The following ULK4 variants were observed in gnomAD, a reference collection of about 807,000 sequenced individuals.
ULK4 encodes inactive serine/threonine-protein kinase ULK4.
In ULK4, 133 loss-of-function variants were observed where a neutral mutation model predicts 160.6. The ratio of observed to expected loss-of-function variants is 0.83; its 90% CI spans 0.72 to 0.96. ULK4 has a LOEUF of 0.96. Ranked by LOEUF, ULK4 falls within the 40% of genes least tolerant of loss-of-function variation. ULK4 has a pLI of 0.00. For synonymous variants in ULK4, 534 were observed against 539.8 expected (o/e 0.99, Z 0.15); for missense variants, 1,580 against 1,499.5 (o/e 1.05, Z -0.89).
At chr3:41,738,604 A>C (rs2038134054) in intron 22 of ULK4, among the ~76,000 whole-genome samples, 2 of 151,916 alleles carry the variant, frequency 1.3e-5, no homozygotes, top group Non-Finnish European at 2.9e-5. Context: ...ATGAGAGAGC[A>C]ATAAACTCCA....
intron 17 of ULK4, among the ~76,000 whole-genome samples, chr3:41,860,179 T>C (rs2042468552): frequency 1.3e-5 from 2 of 152,210 alleles, no homozygotes. Flanking sequence ...ATAATTCATG[T>C]CTGAGAAAAA....
chr3:41,384,410 C>G (rs530639056), intron 35 of ULK4, among the ~76,000 whole-genome samples: 1 of 152,158 alleles, frequency 6.6e-6, no homozygotes, highest in East Asian at 1.9e-4. Context: ...CAAAAAAAGA[C>G]TATAATAGTC....
intron 35 of ULK4, among the ~76,000 whole-genome samples, chr3:41,362,469 T>C (rs2125773627): frequency 6.6e-6 from 1 of 152,334 alleles, no homozygotes; most frequent in South Asian, 2.1e-4. Flanking sequence ...TATACTAGGG[T>C]ATCATATACA....
intron 19 of ULK4, among the ~76,000 whole-genome samples, chr3:41,802,607 C>T (rs2040494869): frequency 6.6e-6 from 1 of 152,072 alleles, no homozygotes; most frequent in African/African-American, 2.4e-5. Flanking sequence ...CCAAGCATAC[C>T]TGTTTAAACC....
intron 17 of ULK4, chr3:41,869,079 T>G (rs1716670): frequency 6.6e-6 from 1 of 152,052 alleles, no homozygotes; most frequent in Non-Finnish European, 1.5e-5. Context: ...GTAAACACCA[T>G]GGCACTATGA....
At chr3:41,813,993 C>T (rs2040892180) in intron 19 of ULK4, among the ~76,000 whole-genome samples, 1 of 152,162 alleles carries the variant, frequency 6.6e-6, no homozygotes, top group Non-Finnish European at 1.5e-5. Flanking sequence ...GGAAGTGATT[C>T]TCAGCCAGCG....
intron 2 of ULK4, among the ~76,000 whole-genome samples, chr3:41,946,846 C>G (rs1700127424): frequency 6.6e-6 from 1 of 152,116 alleles, no homozygotes; most frequent in African/African-American, 2.4e-5. Flanking sequence ...TAAAAAGTAT[C>G]ACAAAGCTTC....
At chr3:41,753,118 A>T (rs1330589537) in intron 22 of ULK4, among the ~76,000 whole-genome samples, 2 of 152,192 alleles carry the variant, frequency 1.3e-5, no homozygotes, top group South Asian at 2.1e-4. Flanking sequence ...CAGAAGCTGA[A>T]ATGAGAGGAT....
intron 19 of ULK4, among the ~76,000 whole-genome samples, chr3:41,804,385 C>T (rs1381693393): frequency 6.6e-6 from 1 of 151,998 alleles, no homozygotes; most frequent in East Asian, 1.9e-4. Context: ...GATATTAGCC[C>T]TTTGTCGGAT....
intron 32 of ULK4, among the ~76,000 whole-genome samples, chr3:41,555,904 T>C (rs1248475240): frequency 6.6e-6 from 1 of 152,212 alleles, no homozygotes; most frequent in African/African-American, 2.4e-5. Flanking sequence ...TAGGCTATTA[T>C]CCTTAGCAAA....
At chr3:41,749,221 A>C (rs2038529263) in intron 22 of ULK4, among the ~76,000 whole-genome samples, 1 of 152,166 alleles carries the variant, frequency 6.6e-6, no homozygotes, top group African/African-American at 2.4e-5. Flanking sequence ...GGTGGCTCAC[A>C]CCTGTAATCC....
chr3:41,875,819 A>G (rs1697276488), intron 17 of ULK4, among the ~76,000 whole-genome samples: 1 of 152,096 alleles, frequency 6.6e-6, no homozygotes, highest in African/African-American at 2.4e-5. Context: ...CTGCAAAGGA[A>G]AAGATGTACC....
chr3:41,507,551 T>C (rs1350131820), intron 32 of ULK4, among the ~76,000 whole-genome samples: 1 of 136,820 alleles, frequency 7.3e-6, no homozygotes, highest in Non-Finnish European at 1.5e-5. Context: ...CACAAACCAT[T>C]GGGGAAAACA....
chr3:41,256,669 G>C (rs2078840695), intron 35 of ULK4, among the ~76,000 whole-genome samples: 1 of 152,136 alleles, frequency 6.6e-6, no homozygotes, highest in Non-Finnish European at 1.5e-5. Context: ...TGTGACCTTA[G>C]ATTTGGTGAT....
chr3:41,824,819 G>C (rs1023886557), intron 18 of ULK4, among the ~76,000 whole-genome samples: 1 of 152,136 alleles, frequency 6.6e-6, no homozygotes, highest in African/African-American at 2.4e-5. Flanking sequence ...AGAGAGTAGT[G>C]GTTCTCCCAG....
chr3:41,872,363 T>G (rs1371395259), intron 17 of ULK4, among the ~76,000 whole-genome samples: 1 of 152,232 alleles, frequency 6.6e-6, no homozygotes, highest in Non-Finnish European at 1.5e-5. Flanking sequence ...AGCCAATGAC[T>G]GTAAAGGAAC....
intron 35 of ULK4, among the ~76,000 whole-genome samples, chr3:41,298,327 G>A (rs1348744884): frequency 1.3e-5 from 2 of 152,178 alleles, no homozygotes; most frequent in African/African-American, 2.4e-5. Flanking sequence ...CTTTTCCTAA[G>A]AGTTTAAAGA....
intron 17 of ULK4, among the ~76,000 whole-genome samples, chr3:41,844,514 C>A (rs1473052881): frequency 6.6e-6 from 1 of 152,144 alleles, no homozygotes; most frequent in Non-Finnish European, 1.5e-5. Context: ...CCGCAAGCAC[C>A]CCACACAGCC....
At chr3:41,250,556 G>A (rs981387254) in intron 35 of ULK4, among the ~76,000 whole-genome samples, 4 of 152,334 alleles carry the variant, frequency 2.6e-5, no homozygotes, top group Non-Finnish European at 1.5e-5. Context: ...GGTGGAACCA[G>A]GATGGCTTCA....
Sources: allele counts gnomAD v4.1 joint callset (sites outside exome capture counted in the v4.1 genomes callset), GRCh38; gene constraint gnomAD v4.1.1; transcripts MANE v1.5; gene names NCBI Gene and HGNC (gene_info 2026-07-23, HGNC 2026-07-21).